Variants in CDH22 observed in about 807,000 individuals in gnomAD.
The protein encoded by CDH22 is cadherin-22.
In CDH22, 30 loss-of-function variants were observed where a neutral mutation model predicts 58.4. The observed-to-expected ratio is 0.51, with a 90% CI of 0.38 to 0.70. The LOEUF (loss-of-function observed/expected upper bound fraction) is 0.70, where lower values mean the gene tolerates loss of function less well. Ranked by LOEUF, CDH22 falls within the 30% of genes least tolerant of loss-of-function variation. The probability of loss-of-function intolerance (pLI) is 0.00; values close to 1 mark genes in which losing one functional copy is unlikely to be tolerated. For synonymous variants in CDH22, 513 were observed against 558.2 expected (o/e 0.92, Z 1.14); for missense variants, 1,014 against 1,233.9 (o/e 0.82, Z 2.67).
chr20:46,287,409 G>C (rs1344641886), intron 1 of CDH22, among the ~76,000 whole-genome samples: 1 of 152,120 alleles, frequency 6.6e-6, no homozygotes, highest in African/African-American at 2.4e-5. Context: ...GCATCTGACA[G>C]GGAGCTCGGA....
chr20:46,246,656 G>A (rs937747657), intron 2 of CDH22, among the ~76,000 whole-genome samples: 4 of 152,236 alleles, frequency 2.6e-5, no homozygotes, highest in Non-Finnish European at 4.4e-5. Flanking sequence ...CGACAACCGC[G>A]GGGCCCAGCG....
chr20:46,186,519 C>G, intron 10 of CDH22, 69 bp downstream of exon 10: 1 of 1,168,130 alleles, frequency 8.6e-7, no homozygotes, highest in Non-Finnish European at 1.3e-6. Flanking sequence ...GTCCCTCTGT[C>G]TATAATATGG....
In CDH22 at chr20:46,243,272, T is replaced by G. The variant is rs117479340; in HGVS notation, c.256-2015A>C. On this transcript the variant is annotated intron_variant, in intron 2 of 11. Transcript: ENST00000537909. ...TAGAACTTTGTGTCTGAAAGGTGGA[T>G]TATAGAAGTGCCATTTGGAAGATTG... Among the ~76,000 whole-genome samples, 120 of 152,300 alleles carry G rather than the reference T, an allele frequency of 7.9e-4. 1 individual carries two copies. The East Asian group carries it at 0.021, about 27-fold the overall frequency.
intron 8 of CDH22, among the ~76,000 whole-genome samples, chr20:46,192,917 C>A (rs1410927471): frequency 6.6e-6 from 1 of 151,668 alleles, no homozygotes; most frequent in Non-Finnish European, 1.5e-5. Context: ...GTCCCCATGC[C>A]CCCCCCCAGT....
intron 2 of CDH22, among the ~76,000 whole-genome samples, chr20:46,242,551 CAATATTT>C (rs1294795503): frequency 6.6e-6 from 1 of 152,220 alleles, no homozygotes; most frequent in African/African-American, 2.4e-5. Context: ...GTGACATTTA[CAATATTT>C]AGCAGCCAGC....
At chr20:46,177,684 T>A (rs924822537) in intron 11 of CDH22, among the ~76,000 whole-genome samples, 16 of 152,114 alleles carry the variant, frequency 1.1e-4, no homozygotes, top group Non-Finnish European at 1.8e-4. Context: ...GAAAATTTTT[T>A]AAAAATATGC....
intron 1 of CDH22, among the ~76,000 whole-genome samples, chr20:46,279,376 C>T (rs1034826292): frequency 6.6e-6 from 1 of 152,092 alleles, no homozygotes; most frequent in African/African-American, 2.4e-5. Context: ...AAAGGGGAAA[C>T]ATCTTACGGG....
At chr20:46,207,815 C>T (rs983561128) in intron 7 of CDH22, among the ~76,000 whole-genome samples, 3 of 152,214 alleles carry the variant, frequency 2.0e-5, no homozygotes, top group Admixed American at 1.3e-4. Flanking sequence ...CTGATATTTA[C>T]ACCATACCCA....
intron 4 of CDH22, among the ~76,000 whole-genome samples, chr20:46,218,506 T>A (rs3092816): frequency 6.6e-6 from 1 of 152,178 alleles, no homozygotes; most frequent in Non-Finnish European, 1.5e-5. Flanking sequence ...TATACACACA[T>A]GCAACGTAGT....
intron 8 of CDH22, among the ~76,000 whole-genome samples, chr20:46,188,443 A>G (rs796471028): frequency 2.2e-4 from 33 of 152,242 alleles, no homozygotes; most frequent in African/African-American, 7.7e-4. Flanking sequence ...TAAGCATGTG[A>G]GAGTTATTTA....
At chr20:46,262,368 C>T (rs1185863329) in intron 1 of CDH22, among the ~76,000 whole-genome samples, 1 of 152,040 alleles carries the variant, frequency 6.6e-6, no homozygotes, top group Non-Finnish European at 1.5e-5. Flanking sequence ...TACACAGTCA[C>T]CTCATCTGCA....
intron 4 of CDH22, among the ~76,000 whole-genome samples, chr20:46,222,146 G>A (rs1423368380): frequency 6.6e-6 from 1 of 152,218 alleles, no homozygotes; most frequent in Non-Finnish European, 1.5e-5. Context: ...GAAGCTTCCA[G>A]CAGCAGGCCT....
chr20:46,213,286 A>G lies in CDH22; in HGVS notation c.839-98T>C, dbSNP rs543376011. On this transcript the variant is annotated intron_variant, in intron 5 of 11. Transcript: ENST00000537909. ...GACAAGGGGGCCCAGGTGAGCCTCT[A>G]TGGAGGACAGTGCCTGAAAGGGGCT... The G allele has an allele frequency of 3.1e-4, 252 of 809,540 alleles. 2 individuals carry two copies. In the East Asian group the frequency reaches 5.9e-3, roughly 19 times the overall value. The allele number at this position is 809,540 out of a possible 1,614,324, so 50.1% of individuals were successfully genotyped here.
At chr20:46,195,763 G>C (rs2085895497) in intron 8 of CDH22, among the ~76,000 whole-genome samples, 1 of 152,214 alleles carries the variant, frequency 6.6e-6, no homozygotes, top group African/African-American at 2.4e-5. Context: ...AGTGGAAGGA[G>C]CGTCTGCATG....
At chr20:46,227,457 G>A (rs749231584) in intron 4 of CDH22, 51 bp downstream of exon 4, 30 of 546,676 alleles carry the variant, frequency 5.5e-5, no homozygotes, top group Non-Finnish European at 8.8e-5. Flanking sequence ...GTCCCGCCCC[G>A]CCCCTGGCCC....
At chr20:46,287,957 C>T (rs1444386698) in intron 1 of CDH22, among the ~76,000 whole-genome samples, 2 of 151,960 alleles carry the variant, frequency 1.3e-5, no homozygotes, top group African/African-American at 4.8e-5. Flanking sequence ...TAGAGACATA[C>T]GGAAGGCAGA....
At chr20:46,207,323 T>C (rs2086008471) in intron 7 of CDH22, among the ~76,000 whole-genome samples, 2 of 151,832 alleles carry the variant, frequency 1.3e-5, no homozygotes, top group Admixed American at 1.3e-4. Context: ...GAGAGTGGAA[T>C]TGGAGAGGAG....
intron 1 of CDH22, among the ~76,000 whole-genome samples, chr20:46,265,400 T>C (rs2086454719): frequency 6.6e-6 from 1 of 152,176 alleles, no homozygotes; most frequent in Non-Finnish European, 1.5e-5. Context: ...CATACATGCA[T>C]AGTTTAACGA....
chr20:46,214,380 T>A (rs2086067311), intron 5 of CDH22, among the ~76,000 whole-genome samples: 1 of 152,172 alleles, frequency 6.6e-6, no homozygotes, highest in Non-Finnish European at 1.5e-5. Flanking sequence ...AACCCTTGCG[T>A]GGAGTGGCTG....
Sources: gnomAD v4.1 joint callset for allele counts (sites outside exome capture counted in the v4.1 genomes callset) on GRCh38, gnomAD v4.1.1 for gene constraint, MANE v1.5 for transcripts, NCBI Gene and HGNC (gene_info 2026-07-23, HGNC 2026-07-21) for gene names.